The following IQCM variants were observed in gnomAD, a reference collection of about 807,000 sequenced individuals.
IQCM encodes the protein IQ domain-containing protein M.
A neutral mutation model predicts 57.6 loss-of-function variants in IQCM; 45 were observed. The ratio of observed to expected loss-of-function variants is 0.78; its 90% CI spans 0.62 to 1.00. The LOEUF (loss-of-function observed/expected upper bound fraction) is 1.00. Ranked by LOEUF, IQCM falls within the 50% of genes least tolerant of loss-of-function variation. The pLI, the probability that IQCM is intolerant of heterozygous loss-of-function variation, is 0.00. For missense variants in IQCM, 468 were observed against 511.6 expected (o/e 0.91, Z 0.82); for synonymous variants, 148 against 158.9 (o/e 0.93, Z 0.51).
At chr4:149,388,615 G>A (rs1209993940) in intron 13 of IQCM, among the ~76,000 whole-genome samples, 1 of 135,844 alleles carries the variant, frequency 7.4e-6, no homozygotes, top group Non-Finnish European at 1.6e-5. Context: ...TATAGGCAAA[G>A]AATATATATA....
At chr4:149,519,610 C>T (rs756485179) in intron 12 of IQCM, among the ~76,000 whole-genome samples, 8 of 152,058 alleles carry the variant, frequency 5.3e-5, no homozygotes, top group African/African-American at 1.2e-4. Flanking sequence ...TGCGCCACTG[C>T]GCTCCAGCCT....
At chr4:149,472,640 C>A (rs1170047358) in intron 12 of IQCM, among the ~76,000 whole-genome samples, 3 of 152,052 alleles carry the variant, frequency 2.0e-5, no homozygotes, top group Admixed American at 1.3e-4. Flanking sequence ...TCATATGGAA[C>A]CAAAAAAGAG....
At chr4:149,553,121 C>T (rs1194543813) in intron 11 of IQCM, 22 bp downstream of exon 11, 10 of 1,230,840 alleles carry the variant, frequency 8.1e-6, no homozygotes, top group Non-Finnish European at 1.0e-5. Flanking sequence ...AAATTCAAAC[C>T]AGAAGTGTCT....
At chr4:149,810,402 C>G (rs1161909949) in intron 2 of IQCM, among the ~76,000 whole-genome samples, 1 of 150,304 alleles carries the variant, frequency 6.7e-6, no homozygotes, top group African/African-American at 2.5e-5. Context: ...GTGCTTATAC[C>G]AAGATAATAA....
At chr4:149,565,401 G>A (rs1503697) in intron 9 of IQCM, among the ~76,000 whole-genome samples, 82,665 of 151,968 alleles carry the variant, frequency 0.54, 22,748 homozygotes, top group African/African-American at 0.58. Flanking sequence ...CAGCCACAAA[G>A]TCTCTGTTAG....
At chr4:149,749,840 A>G (rs1222991183) in intron 2 of IQCM, among the ~76,000 whole-genome samples, 1 of 152,214 alleles carries the variant, frequency 6.6e-6, no homozygotes, top group Non-Finnish European at 1.5e-5. Context: ...TGAAGCATCA[A>G]GCTTTGGTAA....
intron 12 of IQCM, among the ~76,000 whole-genome samples, chr4:149,473,670 G>A (rs1407248059): frequency 6.6e-6 from 1 of 152,194 alleles, no homozygotes; most frequent in Non-Finnish European, 1.5e-5. Context: ...AAAGACACAT[G>A]CACATGTACG....
intron 5 of IQCM, among the ~76,000 whole-genome samples, chr4:149,731,655 T>A (rs1396887923): frequency 6.6e-6 from 1 of 152,106 alleles, no homozygotes; most frequent in Non-Finnish European, 1.5e-5. Context: ...ATCCACTAAT[T>A]CTGAATTTAT....
intron 12 of IQCM, among the ~76,000 whole-genome samples, chr4:149,438,408 A>C (rs552569437): frequency 1.3e-5 from 2 of 152,186 alleles, no homozygotes; most frequent in Non-Finnish European, 2.9e-5. Flanking sequence ...AATACTGTGA[A>C]GTTTTTAGTA....
intron 13 of IQCM, among the ~76,000 whole-genome samples, chr4:149,384,895 A>G (rs2111052023): frequency 6.6e-6 from 1 of 152,090 alleles, no homozygotes; most frequent in South Asian, 2.1e-4. Context: ...TTTCCTCATT[A>G]TTATCTATTT....
intron 13 of IQCM, among the ~76,000 whole-genome samples, chr4:149,378,616 A>C (rs1457208248): frequency 6.6e-6 from 1 of 152,190 alleles, no homozygotes; most frequent in African/African-American, 2.4e-5. Context: ...AGATATTTCT[A>C]AGCAACAAAG....
intron 10 of IQCM, among the ~76,000 whole-genome samples, chr4:149,559,163 G>T (rs941232204): frequency 6.6e-6 from 1 of 151,906 alleles, no homozygotes; most frequent in Non-Finnish European, 1.5e-5. Context: ...CCATGCACTG[G>T]ATTACTGAAA....
intron 5 of IQCM, among the ~76,000 whole-genome samples, chr4:149,717,681 G>T (rs890456392): frequency 1.6e-4 from 25 of 152,284 alleles, no homozygotes; most frequent in African/African-American, 5.8e-4. Context: ...TAATACAAAT[G>T]TTAATGGGTG....
Position 149,605,608 on chromosome 4 carries a change from A to C in IQCM, c.681+15521T>G, listed in dbSNP as rs562207461. Among the ~76,000 whole-genome samples, 10 of 152,338 alleles carry C rather than the reference A, an allele frequency of 6.6e-5. No homozygotes were observed. The South Asian group carries it at 1.5e-3, about 22-fold the overall frequency. ...AAGAAACATTAAGTAAAATAAAATAAATGATGGTTGTAAAAATACACTTTA... is the reference window on the plus strand; with the variant it reads ...AAGAAACATTAAGTAAAATAAAATACATGATGGTTGTAAAAATACACTTTA... On this transcript the variant is annotated intron_variant, in intron 8 of 13. Transcript: ENST00000636793.
chr4:149,611,740 T>C (rs896075167), intron 8 of IQCM, among the ~76,000 whole-genome samples: 1 of 151,986 alleles, frequency 6.6e-6, no homozygotes, highest in Non-Finnish European at 1.5e-5. Context: ...AAAAATATAG[T>C]TAGACAGACG....
chr4:149,476,233 G>T (rs2149740157), intron 12 of IQCM, among the ~76,000 whole-genome samples: 1 of 152,256 alleles, frequency 6.6e-6, no homozygotes, highest in African/African-American at 2.4e-5. Flanking sequence ...CAGGGCACTG[G>T]ATAGAAATAA....
intron 8 of IQCM, among the ~76,000 whole-genome samples, chr4:149,607,508 C>T (rs1438647228): frequency 3.3e-5 from 5 of 151,872 alleles, no homozygotes; most frequent in African/African-American, 7.3e-5. Context: ...AATGTAATTG[C>T]GATGTGTAAA....
At chr4:149,691,308 G>C (rs899219420) in intron 5 of IQCM, among the ~76,000 whole-genome samples, 5 of 152,052 alleles carry the variant, frequency 3.3e-5, no homozygotes, top group African/African-American at 4.8e-5. Context: ...GATAGCCCCT[G>C]GAACCTGAAT....
intron 12 of IQCM, among the ~76,000 whole-genome samples, chr4:149,535,222 G>GA (rs2149862406): frequency 6.6e-6 from 1 of 151,918 alleles, no homozygotes; most frequent in South Asian, 2.1e-4. Flanking sequence ...ATAAATGCCA[G>GA]AAAAAATAAA....
Sources: gnomAD v4.1 joint callset for allele counts (sites outside exome capture counted in the v4.1 genomes callset) on GRCh38, gnomAD v4.1.1 for gene constraint, MANE v1.5 for transcripts, NCBI Gene and HGNC (gene_info 2026-07-23, HGNC 2026-07-21) for gene names.